The following NAV2 variants were observed in gnomAD, a reference collection of about 807,000 sequenced individuals.
NAV2 encodes the protein neuron navigator 2, also known as helicase, APC down-regulated 1.
NAV2 carries 54 observed loss-of-function variants against 223.2 expected under a neutral mutation model. The observed-to-expected ratio is 0.24, with a 90% CI of 0.19 to 0.30. The LOEUF is 0.30. Among genes scored for constraint, NAV2 ranks in the 10% least tolerant of loss-of-function variants. The pLI is 1.00. For missense variants in NAV2, 2,806 were observed against 3,147.5 expected (o/e 0.89, Z 2.60); for synonymous variants, 1,279 against 1,239.3 (o/e 1.03, Z -0.67).
At chr11:19,539,274 CTTGT>C (rs1215098732) in intron 1 of NAV2, among the ~76,000 whole-genome samples, 1 of 152,168 alleles carries the variant, frequency 6.6e-6, no homozygotes, top group Non-Finnish European at 1.5e-5. Context: ...CAGATCTCAA[CTTGT>C]TTGTCTACTC....
chr11:20,063,500 G>A (rs2058837983), intron 20 of NAV2, among the ~76,000 whole-genome samples: 1 of 152,112 alleles, frequency 6.6e-6, no homozygotes, highest in Non-Finnish European at 1.5e-5. Context: ...AGCCTCCTGA[G>A]TAGCTGGGAT....
chr11:19,863,384 G>A (rs545817239), intron 3 of NAV2, among the ~76,000 whole-genome samples: 1 of 152,264 alleles, frequency 6.6e-6, no homozygotes, highest in South Asian at 2.1e-4. Context: ...ATTGCATCCT[G>A]TATGGAGTCT....
chr11:20,102,007 T>C (rs2061674835), intron 32 of NAV2, among the ~76,000 whole-genome samples: 1 of 152,184 alleles, frequency 6.6e-6, no homozygotes, highest in African/African-American at 2.4e-5. Flanking sequence ...CTTGATGACC[T>C]ATTTCACTAG....
intron 1 of NAV2, among the ~76,000 whole-genome samples, chr11:19,388,407 A>T (rs1045376564): frequency 6.6e-6 from 1 of 152,132 alleles, no homozygotes; most frequent in African/African-American, 2.4e-5. Context: ...GCTTCATTGG[A>T]GATGTTTAAA....
chr11:20,034,376 T>TA (rs34189871), intron 11 of NAV2, among the ~76,000 whole-genome samples: 50 of 117,776 alleles, frequency 4.2e-4, no homozygotes, highest in African/African-American at 1.3e-3. Context: ...TTTTTTTTTT[T>TA]TTTGTTTGTT....
rs114866493 is a variant in NAV2, at chr11:20,004,442, C to A, written c.2768+20195C>A. ...GTCAATACTGGCGAGGAGCTTACAG[C>A]ACCCCTAGGAACCCAGGGGCATTGT... On this transcript the variant is annotated intron_variant, in intron 11 of 37. Coordinates refer to ENST00000349880, the MANE Select transcript of NAV2 (RefSeq NM_145117.5). Among the ~76,000 whole-genome samples, 572 of 152,276 alleles carry A rather than the reference C, an allele frequency of 3.8e-3. 9 individuals carry two copies. The highest frequency in any genetic ancestry group is 0.013 in the African/African-American group (553 of 41,550).
Position 19,693,136 on chromosome 11 carries a change from A to G in NAV2, c.76-139348A>G, listed in dbSNP as rs529124836. Among the ~76,000 whole-genome samples the G allele has an allele frequency of 2.2e-3, 331 of 152,314 alleles. 1 individual carries two copies. The highest frequency in any genetic ancestry group is 7.1e-3 in the African/African-American group (295 of 41,560). The stretch of plus-strand genomic sequence containing the variant: ...CAGATTAATCTTGTCTCTTTCACGT[A>G]TCTACTACCAGCCCACCTCTGCCAG... On this transcript the variant is annotated intron_variant, in intron 1 of 37. Transcript: ENST00000360655.
At chr11:20,073,314 A>C (rs2153648015) in intron 22 of NAV2, among the ~76,000 whole-genome samples, 1 of 152,092 alleles carries the variant, frequency 6.6e-6, no homozygotes, top group East Asian at 1.9e-4. Flanking sequence ...AAGCTTTTTG[A>C]TGTGCTGCTG....
chr11:20,107,572 C>A, intron 35 of NAV2, 92 bp from the exon 36 acceptor site: 1 of 990,250 alleles, frequency 1.0e-6, no homozygotes, highest in Non-Finnish European at 1.6e-6. Flanking sequence ...TCTAGGGTCC[C>A]TCCTGTGAAG....
At chr11:19,743,695 C>T (rs147261803) in intron 1 of NAV2, among the ~76,000 whole-genome samples, 27 of 152,362 alleles carry the variant, frequency 1.8e-4, no homozygotes, top group African/African-American at 4.3e-4. Context: ...AGGAATGTGA[C>T]GGTATCTGGA....
At chr11:19,807,425 G>C (rs957669387) in intron 1 of NAV2, among the ~76,000 whole-genome samples, 1 of 152,150 alleles carries the variant, frequency 6.6e-6, no homozygotes, top group Non-Finnish European at 1.5e-5. Flanking sequence ...CTAAAAGCTG[G>C]GCCTTTCTTT....
At chr11:19,657,302 C>T (rs534724651) in intron 1 of NAV2, among the ~76,000 whole-genome samples, 6 of 152,254 alleles carry the variant, frequency 3.9e-5, no homozygotes, top group Admixed American at 2.6e-4. Context: ...GTGCCAGGTA[C>T]ATACACGTTT....
At chr11:19,569,509 C>G (rs760383055) in intron 1 of NAV2, among the ~76,000 whole-genome samples, 68 of 152,252 alleles carry the variant, frequency 4.5e-4, no homozygotes, top group Non-Finnish European at 7.1e-4. Context: ...ACATTTGATT[C>G]CTAATATCCA....
chr11:19,458,100 C>A (rs1197146579), intron 1 of NAV2, among the ~76,000 whole-genome samples: 1 of 152,190 alleles, frequency 6.6e-6, no homozygotes, highest in African/African-American at 2.4e-5. Context: ...CTGCTTTCAC[C>A]AGTCTGCAAG....
chr11:20,084,591 G>C (rs1315783544), intron 26 of NAV2, among the ~76,000 whole-genome samples: 1 of 152,144 alleles, frequency 6.6e-6, no homozygotes, highest in East Asian at 1.9e-4. Flanking sequence ...GGACACTGAG[G>C]GACTGGACTT....
intron 1 of NAV2, among the ~76,000 whole-genome samples, chr11:19,742,830 A>G (rs1440311737): frequency 6.6e-6 from 1 of 152,248 alleles, no homozygotes; most frequent in Non-Finnish European, 1.5e-5. Context: ...AGACAGGCAG[A>G]CAGGCCCATG....
chr11:20,079,727 G>A (rs368039171), intron 24 of NAV2, among the ~76,000 whole-genome samples: 25 of 152,158 alleles, frequency 1.6e-4, no homozygotes, highest in African/African-American at 6.0e-4. Flanking sequence ...AGGAGAGGGA[G>A]GGGGCTAGCA....
intron 1 of NAV2, among the ~76,000 whole-genome samples, chr11:19,596,207 C>T (rs1435127213): frequency 6.6e-6 from 1 of 152,216 alleles, no homozygotes; most frequent in East Asian, 1.9e-4. Flanking sequence ...CCAGGGAAGG[C>T]TGGTTTCCTT....
At chr11:19,905,331 T>C (rs2153200411) in intron 6 of NAV2, among the ~76,000 whole-genome samples, 1 of 151,802 alleles carries the variant, frequency 6.6e-6, no homozygotes, top group Non-Finnish European at 1.5e-5. Flanking sequence ...TCATGAGAAG[T>C]CACATGTGTG....
Sources: allele counts gnomAD v4.1 joint callset (sites outside exome capture counted in the v4.1 genomes callset), GRCh38; gene constraint gnomAD v4.1.1; transcripts MANE v1.5; gene names NCBI Gene and HGNC (gene_info 2026-07-23, HGNC 2026-07-21).